PPFIA2: variants seen among roughly 807,000 people sequenced by gnomAD.
PPFIA2 encodes PPFI scaffold protein A2, also known as liprin-alpha-2.
PPFIA2 carries 46 observed loss-of-function variants against 175.5 expected under a neutral mutation model. The observed-to-expected ratio is 0.26, with a 90% CI of 0.21 to 0.34. The LOEUF is 0.34. Among genes scored for constraint, PPFIA2 ranks in the 10% least tolerant of loss-of-function variants. The pLI is 1.00. For missense variants in PPFIA2, 1,179 were observed against 1,506.1 expected (o/e 0.78, Z 3.60); for synonymous variants, 568 against 511.4 (o/e 1.11, Z -1.49).
At position 81,281,253 on chromosome 12, in the gene PPFIA2, C is replaced by A. The variant is rs749603285; in HGVS notation, c.3212+4G>T. On this transcript the variant is annotated splice_donor_region_variant and intron_variant, in intron 27 of 32. Transcript: ENST00000549396. Reference sequence around the variant, plus strand: ...TTTGGGGAAAAAAAAGAAAAAACACCTACCGATGGAAACTATCCACCATTT... The same window carrying A: ...TTTGGGGAAAAAAAAGAAAAAACACATACCGATGGAAACTATCCACCATTT... 9 of 1,559,130 alleles carry A rather than the reference C, an allele frequency of 5.8e-6. No individual in the cohort carries two copies. Among genetic ancestry groups the A allele is most frequent in the Non-Finnish European group, 7.8e-6 (9 of 1,150,798 alleles).
chr12:81,437,906 G>A (rs1239255269), intron 7 of PPFIA2, among the ~76,000 whole-genome samples: 1 of 150,274 alleles, frequency 6.7e-6, no homozygotes, highest in African/African-American at 2.4e-5. Context: ...CTTCTATGAT[G>A]ACTGAGAGGT....
At chr12:81,266,908 T>C (rs1415058862) in intron 30 of PPFIA2, 44 bp downstream of exon 30, 9 of 1,376,772 alleles carry the variant, frequency 6.5e-6, no homozygotes, top group Non-Finnish European at 9.3e-6. Context: ...CTATCATTTT[T>C]CTTTTACTCT....
rs112602352 is a variant in PPFIA2 at position 81,404,525 on chromosome 12, T to C, written c.762+1262A>G. 3.9e-5 allele frequency among the ~76,000 whole-genome samples: 6 copies of C among 152,282 alleles called. 1 individual carries two copies. The highest frequency in any genetic ancestry group is 1.4e-4 in the African/African-American group (6 of 41,554). On this transcript the variant is annotated intron_variant, in intron 8 of 32. Transcript: ENST00000549396. ...ATCTACTGAAGCAGTATCAGTTTAT[T>C]TAGTTGAAGGAAAGATAAATAATGT...
intron 8 of PPFIA2, among the ~76,000 whole-genome samples, chr12:81,401,755 A>T (rs2042128232): frequency 6.6e-6 from 1 of 152,182 alleles, no homozygotes; most frequent in South Asian, 2.1e-4. Context: ...TAGCATGTTT[A>T]CTTTTTAAAA....
chr12:81,462,528 ATATG>A lies in PPFIA2; in HGVS notation c.304-4666_304-4663del, dbSNP rs537661929. Among the ~76,000 whole-genome samples, 516 of 142,346 alleles carry A rather than the reference ATATG, an allele frequency of 3.6e-3. 3 individuals are homozygous for A. The highest frequency in any genetic ancestry group is 0.012 in the African/African-American group (468 of 39,090). The allele number at this position is 142,346 out of a possible 152,430, so 93.4% of individuals were successfully genotyped here. A position where few individuals can be genotyped will look rare whatever the true frequency, so the allele number is the denominator to read the frequency against. Reference sequence around the variant, plus strand: ...TGTTTCTTACCTTTTTCACTCATATATATGTATGTATGTATGTATATGTGTGTGT... The same window carrying A: ...TGTTTCTTACCTTTTTCACTCATATATATGTATGTATGTATATGTGTGTGT... On this transcript the variant is annotated intron_variant, in intron 4 of 32. Coordinates refer to ENST00000549396, the MANE Select transcript of PPFIA2 (RefSeq NM_003625.5).
chr12:81,281,125 T>C (rs1188963730), intron 27 of PPFIA2, 132 bp downstream of exon 27: 2 of 696,466 alleles, frequency 2.9e-6, no homozygotes, highest in South Asian at 2.9e-5. Context: ...TCCAAGTAGA[T>C]GTATACAAAC....
chr12:81,637,557 T>C (rs1001731494), intron 4 of PPFIA2, among the ~76,000 whole-genome samples: 2 of 152,118 alleles, frequency 1.3e-5, no homozygotes, highest in African/African-American at 4.8e-5. Context: ...ATACAAATAA[T>C]CTTTCAGAAC....
At chr12:81,595,678 G>A (rs1004609751) in intron 4 of PPFIA2, among the ~76,000 whole-genome samples, 1 of 152,126 alleles carries the variant, frequency 6.6e-6, no homozygotes, top group Non-Finnish European at 1.5e-5. Flanking sequence ...GCAATGAAGA[G>A]CAAGGTCTTG....
chr12:81,671,476 C>A (rs986838113), intron 4 of PPFIA2, among the ~76,000 whole-genome samples: 2 of 151,948 alleles, frequency 1.3e-5, no homozygotes, highest in African/African-American at 4.8e-5. Context: ...ATTTTCATCA[C>A]TATCCTTTGG....
intron 4 of PPFIA2, among the ~76,000 whole-genome samples, chr12:81,477,803 G>C (rs1836682485): frequency 6.6e-6 from 1 of 152,014 alleles, no homozygotes; most frequent in African/African-American, 2.4e-5. Context: ...GATTCAGTTT[G>C]CCAGTATTTT....
At chr12:81,289,778 C>A (rs1454787541) in intron 24 of PPFIA2, among the ~76,000 whole-genome samples, 1 of 151,762 alleles carries the variant, frequency 6.6e-6, no homozygotes, top group African/African-American at 2.4e-5. Flanking sequence ...ATTTGCAATT[C>A]TTTAACATTT....
intron 17 of PPFIA2, among the ~76,000 whole-genome samples, chr12:81,352,482 A>ACTTTCC (rs1448596228): frequency 6.6e-6 from 1 of 151,024 alleles, no homozygotes; most frequent in Non-Finnish European, 1.5e-5. Flanking sequence ...TGCCTGCCTC[A>ACTTTCC]CTTTCCCTTT....
intron 3 of PPFIA2, among the ~76,000 whole-genome samples, chr12:81,711,781 AT>A (rs1275120750): frequency 0.023 from 3,240 of 140,340 alleles, 112 homozygotes; most frequent in African/African-American, 0.075. Flanking sequence ...CTATACTTAC[AT>A]TTTTTTTTTT....
rs377078116 is a variant in PPFIA2, at chr12:81,270,938, G to A, written c.3311-2851C>T. 2.0e-5 allele frequency: 3 copies of A among 152,202 alleles called. No individual in the cohort carries two copies. The East Asian group carries it at 5.8e-4, about 29-fold the overall frequency. 9.4% of individuals were successfully genotyped at this position (152,202 alleles called of 1,614,324 possible). A position where few individuals can be genotyped will look rare whatever the true frequency, so the allele number is the denominator to read the frequency against. Reference sequence around the variant, plus strand: ...TCTTTCCTTCTATTATTTGAAAATAGCCAACTTATTTCTAGTATGTTTCCT... The same window carrying A: ...TCTTTCCTTCTATTATTTGAAAATAACCAACTTATTTCTAGTATGTTTCCT... On this transcript the variant is annotated intron_variant, in intron 28 of 32. Transcript: ENST00000549396.
chr12:81,309,203 A>G (rs7962530), intron 22 of PPFIA2, among the ~76,000 whole-genome samples: 29,091 of 152,058 alleles, frequency 0.19, 3,363 homozygotes, highest in East Asian at 0.43. Context: ...AATTTCAACC[A>G]AAGAATGGAC....
At chr12:81,504,147 A>G (rs2060887489) in intron 4 of PPFIA2, among the ~76,000 whole-genome samples, 2 of 152,102 alleles carry the variant, frequency 1.3e-5, no homozygotes, top group Non-Finnish European at 2.9e-5. Context: ...TAATCAATGC[A>G]AAATTCTCTT....
intron 5 of PPFIA2, among the ~76,000 whole-genome samples, chr12:81,446,363 A>T (rs1007736671): frequency 6.6e-6 from 1 of 152,154 alleles, no homozygotes; most frequent in Non-Finnish European, 1.5e-5. Flanking sequence ...GCCATGACAG[A>T]GGTGGAGGGA....
At chr12:81,412,264 G>GT (rs1013816458) in intron 7 of PPFIA2, among the ~76,000 whole-genome samples, 11 of 141,298 alleles carry the variant, frequency 7.8e-5, no homozygotes, top group Non-Finnish European at 1.5e-4. Flanking sequence ...ACTGTTCTAA[G>GT]TATCACAAAA....
chr12:81,653,814 T>G (rs1282208741), intron 4 of PPFIA2, among the ~76,000 whole-genome samples: 1 of 152,098 alleles, frequency 6.6e-6, no homozygotes, highest in East Asian at 1.9e-4. Flanking sequence ...GAAGTCTTCC[T>G]TGATTTCCTT....
Sources: allele counts gnomAD v4.1 joint callset (sites outside exome capture counted in the v4.1 genomes callset), GRCh38; gene constraint gnomAD v4.1.1; transcripts MANE v1.5; gene names NCBI Gene and HGNC (gene_info 2026-07-23, HGNC 2026-07-21).